ATP2B2: variants seen among roughly 807,000 people sequenced by gnomAD.
ATP2B2 encodes the protein plasma membrane calcium-transporting ATPase 2.
In ATP2B2, 15 loss-of-function variants were observed where a neutral mutation model predicts 120.0. The ratio of observed to expected loss-of-function variants is 0.12; its 90% CI spans 0.08 to 0.19. The LOEUF is 0.19. Among genes scored for constraint, ATP2B2 ranks in the 10% least tolerant of loss-of-function variants. ATP2B2 has a pLI of 1.00. For synonymous variants in ATP2B2, 694 were observed against 700.3 expected (o/e 0.99, Z 0.14); for missense variants, 1,045 against 1,719.8 (o/e 0.61, Z 6.94).
intron 2 of ATP2B2, among the ~76,000 whole-genome samples, chr3:10,438,551 T>G (rs967265857): frequency 3.9e-5 from 6 of 152,302 alleles, no homozygotes; most frequent in African/African-American, 1.2e-4. Context: ...GGCAGGTGGG[T>G]CCTAGGGAGC....
At chr3:10,433,198 C>A (rs2063374595) in intron 2 of ATP2B2, among the ~76,000 whole-genome samples, 1 of 152,164 alleles carries the variant, frequency 6.6e-6, no homozygotes, top group African/African-American at 2.4e-5. Context: ...GAAAAGCTAC[C>A]CTCTGCATTC....
intron 1 of ATP2B2, among the ~76,000 whole-genome samples, chr3:10,658,855 T>C (rs1022451964): frequency 1.3e-5 from 2 of 151,848 alleles, no homozygotes; most frequent in African/African-American, 4.9e-5. Flanking sequence ...AAAGGTCGCG[T>C]TACCCACAAA....
chr3:10,371,692 A>C, intron 12 of ATP2B2, 117 bp downstream of exon 12: 1 of 1,505,490 alleles, frequency 6.6e-7, no homozygotes, highest in Non-Finnish European at 9.1e-7. Flanking sequence ...ATCTGACCAT[A>C]CCAAAATATA....
chr3:10,575,935 T>C (rs961340569), intron 2 of ATP2B2, among the ~76,000 whole-genome samples: 5 of 152,354 alleles, frequency 3.3e-5, no homozygotes, highest in African/African-American at 9.6e-5. Flanking sequence ...CTGAGCAAGA[T>C]AGGAAACCTT....
chr3:10,644,687 A>T (rs1021064204), intron 1 of ATP2B2, among the ~76,000 whole-genome samples: 1 of 152,244 alleles, frequency 6.6e-6, no homozygotes, highest in Non-Finnish European at 1.5e-5. Context: ...CAATGTCTAG[A>T]ATCAATAAGT....
At chr3:10,401,138 T>C in intron 4 of ATP2B2, 60 bp from the exon 5 acceptor site, 1 of 1,601,750 alleles carries the variant, frequency 6.2e-7, no homozygotes, top group Admixed American at 1.7e-5. Context: ...GGCTGGAACA[T>C]TCCCTTAAAG....
chr3:10,536,632 A>G (rs1326955859), intron 2 of ATP2B2, among the ~76,000 whole-genome samples: 1 of 151,676 alleles, frequency 6.6e-6, no homozygotes, highest in Non-Finnish European at 1.5e-5. Flanking sequence ...GCTCAAGCAA[A>G]CCTCCTGCCT....
intron 1 of ATP2B2, among the ~76,000 whole-genome samples, chr3:10,497,991 C>G (rs1290292701): frequency 5.3e-5 from 8 of 152,310 alleles, no homozygotes; most frequent in African/African-American, 1.9e-4. Context: ...TAAAACTGAT[C>G]TTATTTATCA....
At chr3:10,603,768 A>G (rs183298200) in intron 2 of ATP2B2, among the ~76,000 whole-genome samples, 14 of 152,254 alleles carry the variant, frequency 9.2e-5, no homozygotes, top group Admixed American at 6.5e-5. Flanking sequence ...CTGGCATTAC[A>G]TATCAATCCA....
chr3:10,405,054 C>A (rs1374926774), intron 3 of ATP2B2, among the ~76,000 whole-genome samples: 1 of 152,164 alleles, frequency 6.6e-6, no homozygotes, highest in Non-Finnish European at 1.5e-5. Context: ...AGACCTAGTT[C>A]AAGTCCAACC....
At chr3:10,513,213 T>C (rs907666334) in intron 3 of ATP2B2, among the ~76,000 whole-genome samples, 3 of 152,130 alleles carry the variant, frequency 2.0e-5, no homozygotes, top group Non-Finnish European at 4.4e-5. Flanking sequence ...GAGGGTTTCC[T>C]CGAGGGGGTG....
intron 2 of ATP2B2, among the ~76,000 whole-genome samples, chr3:10,615,038 T>G (rs773788648): frequency 2.0e-5 from 3 of 152,042 alleles, no homozygotes; most frequent in African/African-American, 4.8e-5. Context: ...GTGAGAAGCA[T>G]TGGAGACATG....
chr3:10,592,103 T>TA lies in ATP2B2; in HGVS notation c.-415+27813dup, dbSNP rs2068658965. 2.0e-5 allele frequency among the ~76,000 whole-genome samples: 3 copies of TA among 152,316 alleles called. No individual in the cohort carries two copies. In the South Asian group the frequency reaches 6.2e-4, roughly 32 times the overall value. ...TTGGGAAGAAGAAGGAACTCACAGATATGGAGAACAGCCATGGTAAGGACT... is the reference window on the plus strand; with the variant it reads ...TTGGGAAGAAGAAGGAACTCACAGATAATGGAGAACAGCCATGGTAAGGACT... On this transcript the variant is annotated intron_variant, in intron 2 of 21. Coordinates refer to the ATP2B2 transcript ENST00000646379.
In ATP2B2 at chr3:10,336,036, G is replaced by GC. The variant is rs1262859899; in HGVS notation, c.3420+2139dup. ...ATCCCCCTGGGCCTGATTGTGACCG[G>GC]CTGCCCCCCATGTCCTCTGGTGCCC... On this transcript the variant is annotated intron_variant, in intron 22 of 22. Coordinates refer to ENST00000360273, the MANE Select transcript of ATP2B2 (RefSeq NM_001001331.4). 76 of 1,419,418 alleles carry GC rather than the reference G, an allele frequency of 5.4e-5. 1 individual carries two copies. The Middle Eastern group carries it at 7.2e-4, about 13-fold the overall frequency. 87.9% of individuals were successfully genotyped at this position (1,419,418 alleles called of 1,614,324 possible).
intron 2 of ATP2B2, among the ~76,000 whole-genome samples, chr3:10,547,304 T>A (rs1185052013): frequency 6.6e-6 from 1 of 152,162 alleles, no homozygotes; most frequent in Admixed American, 6.5e-5. Flanking sequence ...AGGTCTCAGT[T>A]TCCCTGCTAC....
At chr3:10,439,257 A>C (rs1242505690) in intron 2 of ATP2B2, among the ~76,000 whole-genome samples, 1 of 152,228 alleles carries the variant, frequency 6.6e-6, no homozygotes, top group Non-Finnish European at 1.5e-5. Flanking sequence ...GAGCCTGGAC[A>C]AGCCTCAGAG....
intron 1 of ATP2B2, among the ~76,000 whole-genome samples, chr3:10,646,808 G>A (rs1240772110): frequency 6.6e-6 from 1 of 152,164 alleles, no homozygotes; most frequent in Non-Finnish European, 1.5e-5. Context: ...TGTTTGAGGC[G>A]CTCCACTAAG....
chr3:10,420,168 C>G (rs1161829487), intron 2 of ATP2B2, among the ~76,000 whole-genome samples: 1 of 152,186 alleles, frequency 6.6e-6, no homozygotes. Context: ...GCACCACGTG[C>G]TTCATATCCT....
chr3:10,693,357 C>T (rs2071697660), intron 1 of ATP2B2, among the ~76,000 whole-genome samples: 2 of 152,236 alleles, frequency 1.3e-5, no homozygotes, highest in African/African-American at 2.4e-5. Flanking sequence ...ACAATCTACT[C>T]TTTTCCCTAG....
Sources: allele counts gnomAD v4.1 joint callset (sites outside exome capture counted in the v4.1 genomes callset), GRCh38; gene constraint gnomAD v4.1.1; transcripts MANE v1.5; gene names NCBI Gene and HGNC (gene_info 2026-07-23, HGNC 2026-07-21).